The following SEMA5B variants were observed in gnomAD, a reference collection of about 807,000 sequenced individuals.
The protein encoded by SEMA5B is semaphorin 5B.
Under a neutral mutation model 135.0 loss-of-function variants are expected in SEMA5B, and 66 were observed. That is an observed-to-expected ratio of 0.49 (90% CI 0.40 to 0.60). The LOEUF is 0.60. Among genes scored for constraint, SEMA5B ranks in the 20% least tolerant of loss-of-function variants. The probability of loss-of-function intolerance (pLI) is 0.00; values close to 1 mark genes in which losing one functional copy is unlikely to be tolerated. For missense variants in SEMA5B, 1,501 were observed against 1,566.3 expected (o/e 0.96, Z 0.70); for synonymous variants, 690 against 639.5 (o/e 1.08, Z -1.19).
At chr3:122,999,700 T>A (rs1942124170) in intron 1 of SEMA5B, among the ~76,000 whole-genome samples, 1 of 152,130 alleles carries the variant, frequency 6.6e-6, no homozygotes, top group Admixed American at 6.5e-5. Flanking sequence ...ACAGGACCAA[T>A]GGAGCGGGAG....
At position 122,953,765 on chromosome 3, in the gene SEMA5B, G is replaced by A. The variant is rs74682509; in HGVS notation, c.125-5056C>T. Among the ~76,000 whole-genome samples the A allele has an allele frequency of 8.5e-4, 129 of 152,272 alleles. No individual in the cohort carries two copies. In the East Asian group the frequency reaches 0.023, roughly 28 times the overall value. ...GAAATGTTATGGGGTCTGACTTTTC[G>A]AGGCAAGTTCTAGAATTGGGAGGTG... is the stretch of plus-strand genomic sequence containing the variant. On this transcript the variant is annotated intron_variant, in intron 2 of 22. Transcript: ENST00000357599.
At chr3:122,926,360 CAGGCA>C in intron 9 of SEMA5B, 27 bp downstream of exon 9, 2 of 1,587,222 alleles carry the variant, frequency 1.3e-6, no homozygotes, top group East Asian at 4.5e-5. Context: ...CCTGACATCA[CAGGCA>C]AGGGGCTGGC....
At chr3:122,934,699 TA>T (rs1377579719) in intron 5 of SEMA5B, among the ~76,000 whole-genome samples, 3 of 152,130 alleles carry the variant, frequency 2.0e-5, no homozygotes, top group African/African-American at 7.2e-5. Flanking sequence ...GATATGAAGT[TA>T]TTAACTTTGG....
intron 12 of SEMA5B, among the ~76,000 whole-genome samples, chr3:122,918,757 G>A (rs544533743): frequency 6.6e-6 from 1 of 152,174 alleles, no homozygotes; most frequent in African/African-American, 2.4e-5. Flanking sequence ...TGAGGCCAGT[G>A]CCCGAGCTCT....
chr3:122,941,387 G>A (rs150367774), intron 4 of SEMA5B, among the ~76,000 whole-genome samples: 43 of 152,334 alleles, frequency 2.8e-4, no homozygotes, highest in African/African-American at 9.9e-4. Flanking sequence ...TGGGGAAGCC[G>A]CAGAGCGGAT....
intron 1 of SEMA5B, among the ~76,000 whole-genome samples, chr3:122,986,529 T>C (rs1242077186): frequency 6.6e-6 from 1 of 152,078 alleles, no homozygotes; most frequent in African/African-American, 2.4e-5. Context: ...TCACTCCTGT[T>C]GCTCCTCATA....
intron 1 of SEMA5B, among the ~76,000 whole-genome samples, chr3:122,974,778 T>C (rs537164135): frequency 9.2e-5 from 14 of 152,316 alleles, no homozygotes; most frequent in African/African-American, 3.4e-4. Context: ...CTTCCAGTGC[T>C]TAATGAATGT....
chr3:122,935,102 T>A (rs1387033433), intron 5 of SEMA5B, among the ~76,000 whole-genome samples: 3 of 152,162 alleles, frequency 2.0e-5, no homozygotes, highest in South Asian at 2.1e-4. Flanking sequence ...AAAAAAAGCA[T>A]CTTTGTTTGT....
At chr3:122,938,302 G>A (rs1470240189) in intron 5 of SEMA5B, among the ~76,000 whole-genome samples, 4 of 152,202 alleles carry the variant, frequency 2.6e-5, no homozygotes, top group African/African-American at 9.7e-5. Flanking sequence ...GCTAGTAAAG[G>A]TATGGATAGA....
At chr3:122,925,687 A>G (rs1938591314) in intron 9 of SEMA5B, among the ~76,000 whole-genome samples, 1 of 151,588 alleles carries the variant, frequency 6.6e-6, no homozygotes, top group Non-Finnish European at 1.5e-5. Flanking sequence ...AAGAAAAAAG[A>G]AAAAAAAAGA....
chr3:122,968,123 G>T (rs960710266), intron 1 of SEMA5B, among the ~76,000 whole-genome samples: 9 of 152,196 alleles, frequency 5.9e-5, no homozygotes, highest in African/African-American at 9.6e-5. Context: ...AAAATCAATT[G>T]GTCTTCATGT....
intron 1 of SEMA5B, among the ~76,000 whole-genome samples, chr3:123,026,483 G>A (rs1576416846): frequency 6.6e-6 from 1 of 152,120 alleles, no homozygotes; most frequent in Non-Finnish European, 1.5e-5. Flanking sequence ...CCAGAACGGC[G>A]CTGCAGGTGA....
chr3:123,015,972 G>A (rs1942545398), intron 1 of SEMA5B, among the ~76,000 whole-genome samples: 1 of 152,210 alleles, frequency 6.6e-6, no homozygotes. Context: ...ACTGTGTGCT[G>A]ACACAGGGAC....
chr3:122,991,223 G>A lies in SEMA5B; in HGVS notation c.-38-29922C>T, dbSNP rs183868009. 4.9e-4 allele frequency among the ~76,000 whole-genome samples: 75 copies of A among 152,312 alleles called. 2 individuals carry two copies. Among genetic ancestry groups the A allele is most frequent in the Non-Finnish European group, 7.2e-4 (49 of 68,040 alleles). ...GAAGTGATTCTCCAGTCAGGATTGGGTGAGAACGTGAGCAAGATCACACAC... is the reference window on the plus strand; with the variant it reads ...GAAGTGATTCTCCAGTCAGGATTGGATGAGAACGTGAGCAAGATCACACAC... On this transcript the variant is annotated intron_variant, in intron 1 of 22. Coordinates refer to ENST00000357599, the MANE Select transcript of SEMA5B (RefSeq NM_001031702.4).
intron 12 of SEMA5B, among the ~76,000 whole-genome samples, chr3:122,918,993 C>CTTTTTT (rs63373262): frequency 7.5e-5 from 6 of 80,352 alleles, no homozygotes; most frequent in African/African-American, 1.2e-4. Flanking sequence ...ATCACCATGT[C>CTTTTTT]TTTTTTTTTT....
chr3:122,964,009 G>A (rs574224037), intron 1 of SEMA5B, among the ~76,000 whole-genome samples: 4 of 151,926 alleles, frequency 2.6e-5, no homozygotes, highest in South Asian at 2.1e-4. Flanking sequence ...CACTAGCTCC[G>A]CAGATTGCCA....
chr3:123,024,114 A>G (rs1942749663), intron 1 of SEMA5B, among the ~76,000 whole-genome samples: 1 of 152,222 alleles, frequency 6.6e-6, no homozygotes, highest in Non-Finnish European at 1.5e-5. Context: ...TCAGTCATCA[A>G]TGAAAGTGGT....
At chr3:122,976,719 C>T (rs1157508460) in intron 1 of SEMA5B, among the ~76,000 whole-genome samples, 2 of 152,146 alleles carry the variant, frequency 1.3e-5, no homozygotes, top group Non-Finnish European at 2.9e-5. Context: ...AAGTTGCAGA[C>T]ATCATATACA....
Position 122,961,244 on chromosome 3 carries a change from G to C in SEMA5B, c.20C>G (p.Pro7Arg), listed in dbSNP as rs745842901. 6 of 1,614,052 alleles carry C rather than the reference G, an allele frequency of 3.7e-6. No individual in the cohort carries two copies. Among genetic ancestry groups the C allele is most frequent in the African/African-American group, 1.3e-5 (1 of 75,030 alleles). Residue 7 changes from proline (P) to arginine (R), a missense_variant, in exon 2 of 23, where the codon CCG (proline) becomes CGG (arginine). Pro to Arg is a moderately radical substitution (Grantham distance 103). Transcript: ENST00000357599. MPCGFS[P>R]SPVAHHLVPG... ...GACGAGGTGGTGGGCAACAGGAGAC[G>C]GACTGAAGCCACAGGGCATCCAAGA...
Sources: gnomAD v4.1 joint callset for allele counts (sites outside exome capture counted in the v4.1 genomes callset) on GRCh38, gnomAD v4.1.1 for gene constraint, MANE v1.5 for transcripts, NCBI Gene and HGNC (gene_info 2026-07-23, HGNC 2026-07-21) for gene names.